KIAA1217: variants seen among roughly 807,000 people sequenced by gnomAD.
KIAA1217 encodes sickle tail protein homolog.
In KIAA1217, 88 loss-of-function variants were observed where a neutral mutation model predicts 163.9. The observed-to-expected ratio is 0.54, with a 90% CI of 0.45 to 0.64. KIAA1217 has a LOEUF of 0.64. Among genes scored for constraint, KIAA1217 ranks in the 30% least tolerant of loss-of-function variants. The pLI, the probability that KIAA1217 is intolerant of heterozygous loss-of-function variation, is 0.00. For synonymous variants in KIAA1217, 903 were observed against 923.1 expected (o/e 0.98, Z 0.39); for missense variants, 2,372 against 2,475.0 (o/e 0.96, Z 0.88).
rs534028347 is a variant in KIAA1217, at chr10:24,410,126, AG to A, written c.554-22868del. ...ATTCTCCTGCCTCAGCCTCCTGAGT[AG>A]CTGCAATTACAGGCACCCGCCACCA... On this transcript the variant is annotated intron_variant, in intron 3 of 20. Coordinates refer to ENST00000376454, the MANE Select transcript of KIAA1217 (RefSeq NM_019590.5). 5.5e-4 allele frequency among the ~76,000 whole-genome samples: 83 copies of A among 150,710 alleles called. 1 individual carries two copies. In the South Asian group the frequency reaches 0.011, roughly 21 times the overall value.
At chr10:24,384,215 A>G (rs2053697600) in intron 3 of KIAA1217, among the ~76,000 whole-genome samples, 1 of 152,114 alleles carries the variant, frequency 6.6e-6, no homozygotes. Context: ...CAATCCATAG[A>G]GTTTTAAGTT....
intron 2 of KIAA1217, among the ~76,000 whole-genome samples, chr10:24,277,679 T>C (rs1316790551): frequency 1.3e-5 from 2 of 152,226 alleles, no homozygotes; most frequent in Non-Finnish European, 2.9e-5. Context: ...GCTGCTGCCA[T>C]GTGAAGAAGG....
chr10:23,979,305 T>A (rs563384585), intron 1 of KIAA1217, among the ~76,000 whole-genome samples: 1 of 152,186 alleles, frequency 6.6e-6, no homozygotes, highest in African/African-American at 2.4e-5. Context: ...CCCGCCCAAG[T>A]TGACATAGCC....
chr10:23,851,086 A>G (rs576213367), intron 1 of KIAA1217, among the ~76,000 whole-genome samples: 8 of 152,212 alleles, frequency 5.3e-5, no homozygotes, highest in Admixed American at 3.9e-4. Flanking sequence ...ATATGTATAC[A>G]TGTGCCATGC....
intron 2 of KIAA1217, among the ~76,000 whole-genome samples, chr10:24,148,847 A>G (rs2064466429): frequency 6.6e-6 from 1 of 152,216 alleles, no homozygotes; most frequent in African/African-American, 2.4e-5. Context: ...AGATAGATAT[A>G]TGTTATTTTT....
At chr10:24,438,521 A>G (rs1307263042) in intron 5 of KIAA1217, 42 bp downstream of exon 5, 1 of 1,326,010 alleles carries the variant, frequency 7.5e-7, no homozygotes, top group African/African-American at 1.4e-5. Context: ...TCAGTGGGTC[A>G]AAGCGTCCCT....
intron 1 of KIAA1217, among the ~76,000 whole-genome samples, chr10:23,991,975 G>T (rs1379978961): frequency 6.6e-6 from 1 of 152,118 alleles, no homozygotes; most frequent in Non-Finnish European, 1.5e-5. Flanking sequence ...TTTTCATGGT[G>T]GAGAGTAGAG....
At chr10:24,323,166 G>A (rs115823256) in intron 2 of KIAA1217, among the ~76,000 whole-genome samples, 3,197 of 152,092 alleles carry the variant, frequency 0.021, 119 homozygotes, top group African/African-American at 0.073. Flanking sequence ...ATGTTGCCCA[G>A]AATGGTCTTG....
chr10:23,761,069 G>A (rs1221626087), intron 1 of KIAA1217, among the ~76,000 whole-genome samples: 7 of 151,970 alleles, frequency 4.6e-5, no homozygotes, highest in South Asian at 2.1e-4. Flanking sequence ...GGGCAACATC[G>A]TGAGATCTCA....
chr10:24,089,778 C>G (rs1052824109), intron 2 of KIAA1217, among the ~76,000 whole-genome samples: 1 of 151,592 alleles, frequency 6.6e-6, no homozygotes, highest in African/African-American at 2.4e-5. Context: ...AACCACTGCT[C>G]AATGAAATAA....
At chr10:24,536,108 TTGTC>T (rs1254140409) in intron 16 of KIAA1217, among the ~76,000 whole-genome samples, 1 of 152,156 alleles carries the variant, frequency 6.6e-6, no homozygotes, top group Non-Finnish European at 1.5e-5. Context: ...CTTTCTCCCT[TTGTC>T]TGAGAACTGA....
intron 1 of KIAA1217, among the ~76,000 whole-genome samples, chr10:23,993,516 T>A (rs1463501387): frequency 2.7e-5 from 4 of 148,722 alleles, no homozygotes; most frequent in East Asian, 3.9e-4. Context: ...TCTTTCAGAT[T>A]TCCCAGAGTC....
At chr10:23,700,613 T>A (rs1836382223) in intron 1 of KIAA1217, among the ~76,000 whole-genome samples, 1 of 152,188 alleles carries the variant, frequency 6.6e-6, no homozygotes, top group South Asian at 2.1e-4. Context: ...TTCCACCACA[T>A]TGCCATCTTC....
At chr10:23,955,103 A>C (rs1210340864) in intron 1 of KIAA1217, among the ~76,000 whole-genome samples, 1 of 152,198 alleles carries the variant, frequency 6.6e-6, no homozygotes, top group African/African-American at 2.4e-5. Flanking sequence ...TACTTAATCC[A>C]CACAACCACC....
Position 23,772,841 on chromosome 10 carries a change from A to G in KIAA1217, c.-321+77607A>G, listed in dbSNP as rs544912385. 5.9e-4 allele frequency among the ~76,000 whole-genome samples: 90 copies of G among 152,312 alleles called. 1 individual carries two copies. The highest frequency in any genetic ancestry group is 1.2e-3 in the Admixed American group (19 of 15,304). On this transcript the variant is annotated intron_variant, in intron 1 of 18. Transcript: ENST00000376462. The stretch of plus-strand genomic sequence containing the variant: ...CATACAAGCAGCTGCCTCAAACTTT[A>G]TACACAAACAAGGATCGCTTCTCGG...
intron 3 of KIAA1217, among the ~76,000 whole-genome samples, chr10:24,397,106 C>CTGTTTTTT (rs1200787890): frequency 2.9e-5 from 4 of 138,210 alleles, no homozygotes; most frequent in African/African-American, 1.1e-4. Context: ...ATGTAAGAAA[C>CTGTTTTTT]TCTTTTTTTT....
At chr10:24,147,819 T>C (rs1245356226) in intron 2 of KIAA1217, among the ~76,000 whole-genome samples, 6 of 86,644 alleles carry the variant, frequency 6.9e-5, no homozygotes, top group Admixed American at 3.8e-4. Flanking sequence ...GGCAACAAAG[T>C]GATACTCTGT....
intron 6 of KIAA1217, among the ~76,000 whole-genome samples, chr10:24,493,252 C>T (rs1297749939): frequency 1.3e-5 from 2 of 152,234 alleles, no homozygotes; most frequent in Non-Finnish European, 2.9e-5. Flanking sequence ...CACTCACAAA[C>T]CCAGAGGCCT....
upstream of KIAA1217, among the ~76,000 whole-genome samples, chr10:24,206,536 C>T (rs1324734504): frequency 2.0e-5 from 3 of 152,120 alleles, no homozygotes; most frequent in Non-Finnish European, 2.9e-5. Flanking sequence ...ATGGAATAGT[C>T]GGTGCAAGGG....
Sources: allele counts gnomAD v4.1 joint callset (sites outside exome capture counted in the v4.1 genomes callset), GRCh38; gene constraint gnomAD v4.1.1; transcripts MANE v1.5; gene names NCBI Gene and HGNC (gene_info 2026-07-23, HGNC 2026-07-21).